OSBPL3: variants seen among roughly 807,000 people sequenced by gnomAD.
OSBPL3 encodes oxysterol-binding protein-related protein 3.
OSBPL3 carries 65 observed loss-of-function variants against 120.1 expected under a neutral mutation model. That is an observed-to-expected ratio of 0.54 (90% CI 0.44 to 0.67). The LOEUF (loss-of-function observed/expected upper bound fraction) is 0.67, where lower values mean the gene tolerates loss of function less well. OSBPL3 is among the 30% of genes least tolerant of loss of function. The probability of loss-of-function intolerance (pLI) is 0.00; values close to 1 mark genes in which losing one functional copy is unlikely to be tolerated. For missense variants in OSBPL3, 1,004 were observed against 1,082.1 expected, an observed-to-expected ratio of 0.93 and a Z score of 1.01; for synonymous variants, 416 against 402.6, an observed-to-expected ratio of 1.03 and a Z score of -0.40.
At chr7:24,909,783 CTTT>C (rs10591188) in intron 1 of OSBPL3, among the ~76,000 whole-genome samples, 1,014 of 77,364 alleles carry the variant, frequency 0.013, 26 homozygotes, top group African/African-American at 0.05. Context: ...TTTTTTCTTT[CTTT>C]TTTTTTTTTT....
At chr7:24,948,882 C>T (rs771477609) in intron 1 of OSBPL3, among the ~76,000 whole-genome samples, 4 of 152,182 alleles carry the variant, frequency 2.6e-5, no homozygotes, top group Non-Finnish European at 5.9e-5. Context: ...TTCGTAATAA[C>T]AACACTGCTC....
At chr7:24,884,174 T>C (rs141749619) in intron 2 of OSBPL3, among the ~76,000 whole-genome samples, 1,997 of 152,248 alleles carry the variant, frequency 0.013, 57 homozygotes, top group African/African-American at 0.046. Context: ...TTCATAAAGA[T>C]GTGAGCTGAG....
At chr7:24,859,221 C>T (rs1012859210) in intron 10 of OSBPL3, among the ~76,000 whole-genome samples, 2 of 151,846 alleles carry the variant, frequency 1.3e-5, no homozygotes, top group African/African-American at 4.8e-5. Context: ...CAGTAATGTA[C>T]GAAACAAAAA....
chr7:24,904,929 G>GTA (rs1807658459), intron 1 of OSBPL3, among the ~76,000 whole-genome samples: 1 of 147,668 alleles, frequency 6.8e-6, no homozygotes, highest in East Asian at 2.0e-4. Flanking sequence ...GTGTGTGTGT[G>GTA]TGTGTGTGTG....
In OSBPL3 at chr7:24,932,404, G is replaced by A. The variant is rs1811895542; in HGVS notation, c.-149-39783C>T. ...ACAAACCAGGATCATAAACATCCTAGAGAAAATGAAAGGGAAAAGGGGGTG... is the reference window on the plus strand; with the variant it reads ...ACAAACCAGGATCATAAACATCCTAAAGAAAATGAAAGGGAAAAGGGGGTG... On this transcript the variant is annotated intron_variant, in intron 1 of 22. Coordinates refer to ENST00000313367, the MANE Select transcript of OSBPL3 (RefSeq NM_015550.4). This position sits in a 1 kb window ranked among gnomAD's most constrained non-coding sequence, Gnocchi z 5.6. Among the ~76,000 whole-genome samples, 1 of 152,164 alleles carries A rather than the reference G, an allele frequency of 6.6e-6. No homozygotes were observed. The highest frequency in any genetic ancestry group is 2.4e-5 in the African/African-American group (1 of 41,436).
chr7:24,861,002 C>A (rs1800452145), intron 10 of OSBPL3, among the ~76,000 whole-genome samples: 2 of 152,230 alleles, frequency 1.3e-5, no homozygotes, highest in Admixed American at 1.3e-4. Flanking sequence ...CACTGCCAAA[C>A]TGTTTTCCAG....
chr7:24,841,656 C>A (rs1797759430), intron 13 of OSBPL3, among the ~76,000 whole-genome samples: 1 of 140,198 alleles, frequency 7.1e-6, no homozygotes, highest in South Asian at 2.3e-4. Flanking sequence ...TATCACACCA[C>A]TGCACTCCAG....
Position 24,916,002 on chromosome 7 carries a change from C to T in OSBPL3, c.-149-23381G>A, listed in dbSNP as rs1424884390. Reference sequence around the variant, plus strand: ...CTACAGAGTGTTAAAAGTATAAAGCCTAACAAAACAAAAATAAAACAAGCA... The same window carrying T: ...CTACAGAGTGTTAAAAGTATAAAGCTTAACAAAACAAAAATAAAACAAGCA... On this transcript the variant is annotated intron_variant, in intron 1 of 22. Transcript: ENST00000313367. This position sits in a 1 kb window ranked among gnomAD's most constrained non-coding sequence, Gnocchi z 4.9. Among the ~76,000 whole-genome samples, 1 of 152,150 alleles carries T rather than the reference C, an allele frequency of 6.6e-6. No individual in the cohort carries two copies. The highest frequency in any genetic ancestry group is 2.4e-5 in the African/African-American group (1 of 41,428).
chr7:24,915,427 G>C (rs73274159), intron 1 of OSBPL3, among the ~76,000 whole-genome samples: 5,905 of 152,102 alleles, frequency 0.039, 345 homozygotes, highest in African/African-American at 0.13. Flanking sequence ...TTAGAAGACA[G>C]TTTGGCAACA....
rs1238272655 is a variant in OSBPL3, at chr7:24,974,506, G to A, written c.-150+5380C>T. On this transcript the variant is annotated intron_variant, in intron 1 of 22. Transcript: ENST00000313367. ...CTATCTTGTGCCAGGTTCTGTTCTA[G>A]CCCCAAGATAAAACAGCGAACAGGG... 2.0e-5 allele frequency among the ~76,000 whole-genome samples: 3 copies of A among 152,100 alleles called. No homozygotes were observed. In the East Asian group the frequency reaches 5.8e-4, roughly 29 times the overall value.
Position 24,806,964 on chromosome 7 carries a change from C to A in OSBPL3, c.2318-62G>T. On this transcript the variant is annotated intron_variant, in intron 20 of 22. Transcript: ENST00000313367. The surrounding 1 kb of genome is among the most constrained non-coding windows in gnomAD (Gnocchi z 5.2). ...TGTTACTTATGTTACATTTTAATTC[C>A]TTCACCTTTTTCGTCTCAGCCTAGC... 6.8e-7 allele frequency: 1 copy of A among 1,466,486 alleles called. No individual in the cohort carries two copies. Among genetic ancestry groups the A allele is most frequent in the Non-Finnish European group, 9.2e-7 (1 of 1,086,254 alleles). 90.8% of individuals were successfully genotyped at this position (1,466,486 alleles called of 1,614,324 possible).
rs1413559961 is a variant in OSBPL3, at chr7:24,834,862, A to G, written c.1496-126T>C. The stretch of plus-strand genomic sequence containing the variant: ...ACTATTAAACTCAGTTGTTCAGAGT[A>G]TGGCTGAAGTCAGAAAACCGGCAAA... On this transcript the variant is annotated intron_variant, in intron 14 of 22. Coordinates refer to ENST00000313367, the MANE Select transcript of OSBPL3 (RefSeq NM_015550.4). The surrounding 1 kb of genome is among the most constrained non-coding windows in gnomAD (Gnocchi z 5.2). 1.2e-6 allele frequency: 1 copy of G among 854,962 alleles called. No individual in the cohort carries two copies. Among genetic ancestry groups the G allele is most frequent in the Non-Finnish European group, 1.7e-6 (1 of 582,072 alleles). The allele number at this position is 854,962 out of a possible 1,614,324, so 53.0% of individuals were successfully genotyped here. A position where few individuals can be genotyped will look rare whatever the true frequency, so the allele number is the denominator to read the frequency against.
chr7:24,973,633 C>T (rs962579911), intron 1 of OSBPL3, among the ~76,000 whole-genome samples: 1 of 152,202 alleles, frequency 6.6e-6, no homozygotes, highest in Non-Finnish European at 1.5e-5. Flanking sequence ...ATTCTTCACA[C>T]TGCTATTCCA....
intron 2 of OSBPL3, among the ~76,000 whole-genome samples, chr7:24,876,904 A>T (rs1802930323): frequency 6.6e-6 from 1 of 152,242 alleles, no homozygotes; most frequent in South Asian, 2.1e-4. Flanking sequence ...CAACTACAAT[A>T]GCTAACACTT....
chr7:24,869,790 C>T (rs572249732), intron 5 of OSBPL3, among the ~76,000 whole-genome samples: 22 of 152,306 alleles, frequency 1.4e-4, no homozygotes, highest in South Asian at 6.2e-4. Context: ...GTGGCCCACA[C>T]GGCTCAATCA....
In OSBPL3 at chr7:24,953,661, G is replaced by C. The variant is rs1364998502; in HGVS notation, c.-150+26225C>G. ...TACTCTAAACAGAAGCTGCAGATTT[G>C]TATCCACTACCTATTTCAGATCCTG... On this transcript the variant is annotated intron_variant, in intron 1 of 22. Transcript: ENST00000313367. The surrounding 1 kb of genome is among the most constrained non-coding windows in gnomAD (Gnocchi z 4.3). 1.3e-5 allele frequency among the ~76,000 whole-genome samples: 2 copies of C among 152,174 alleles called. No homozygotes were observed. The highest frequency in any genetic ancestry group is 4.8e-5 in the African/African-American group (2 of 41,430).
intron 1 of OSBPL3, among the ~76,000 whole-genome samples, chr7:24,961,754 C>T (rs955128612): frequency 2.6e-5 from 4 of 152,064 alleles, no homozygotes; most frequent in African/African-American, 7.2e-5. Context: ...TAAGACAGGG[C>T]GCACCAAGGA....
At chr7:24,901,751 T>C (rs1284767663) in intron 1 of OSBPL3, among the ~76,000 whole-genome samples, 2 of 152,224 alleles carry the variant, frequency 1.3e-5, no homozygotes, top group African/African-American at 2.4e-5. Context: ...AAGGTGCTTC[T>C]GGGCTGTGAG....
In OSBPL3 at chr7:24,916,208, T is replaced by C. The variant is rs765661231; in HGVS notation, c.-149-23587A>G. Reference sequence around the variant, plus strand: ...TACTTTTCAGAAGATGGACAATTTCTTTCCCTTTTGTTAAATTCAAGATCA... The same window carrying C: ...TACTTTTCAGAAGATGGACAATTTCCTTCCCTTTTGTTAAATTCAAGATCA... On this transcript the variant is annotated intron_variant, in intron 1 of 22. Coordinates refer to ENST00000313367, the MANE Select transcript of OSBPL3 (RefSeq NM_015550.4). The surrounding 1 kb of genome is among the most constrained non-coding windows in gnomAD (Gnocchi z 4.9). Among the ~76,000 whole-genome samples the C allele has an allele frequency of 3.3e-4, 50 of 152,212 alleles. No individual in the cohort carries two copies. Among genetic ancestry groups the C allele is most frequent in the Admixed American group, 9.8e-4 (15 of 15,282 alleles).
Sources: allele counts gnomAD v4.1 joint callset (sites outside exome capture counted in the v4.1 genomes callset), GRCh38; gene constraint gnomAD v4.1.1; non-coding constraint Gnocchi (gnomAD v3.1); transcripts MANE v1.5; gene names NCBI Gene and HGNC (gene_info 2026-07-23, HGNC 2026-07-21).